Variants in FOXN3 observed in about 807,000 individuals in gnomAD.
The protein encoded by FOXN3 is forkhead box N3, also known as forkhead box protein N3.
In FOXN3, 7 loss-of-function variants were observed where a neutral mutation model predicts 38.4. The observed-to-expected ratio is 0.18, with a 90% CI of 0.10 to 0.34. The LOEUF (loss-of-function observed/expected upper bound fraction) is 0.34. Among genes scored for constraint, FOXN3 ranks in the 10% least tolerant of loss-of-function variants. The pLI, the probability that FOXN3 is intolerant of heterozygous loss-of-function variation, is 1.00. For missense variants in FOXN3, 456 were observed against 613.4 expected (o/e 0.74, Z 2.71); for synonymous variants, 230 against 242.2 (o/e 0.95, Z 0.47).
intron 2 of FOXN3, among the ~76,000 whole-genome samples, chr14:89,378,209 T>C (rs1890538800): frequency 6.6e-6 from 1 of 152,208 alleles, no homozygotes; most frequent in Non-Finnish European, 1.5e-5. Context: ...ATATTATCCA[T>C]TCATTGATAC....
intron 1 of FOXN3, among the ~76,000 whole-genome samples, chr14:89,549,640 T>C (rs1894961420): frequency 6.6e-6 from 1 of 152,152 alleles, no homozygotes; most frequent in Non-Finnish European, 1.5e-5. Context: ...TTGAATCCAA[T>C]TTATTATTGG....
At chr14:89,195,317 C>G (rs768686080) in intron 4 of FOXN3, among the ~76,000 whole-genome samples, 5 of 152,228 alleles carry the variant, frequency 3.3e-5, no homozygotes, top group Non-Finnish European at 5.9e-5. Context: ...TACTCCCACT[C>G]TCTACCTTAG....
At chr14:89,428,579 C>T (rs1347694539) in intron 1 of FOXN3, among the ~76,000 whole-genome samples, 1 of 152,258 alleles carries the variant, frequency 6.6e-6, no homozygotes, top group Non-Finnish European at 1.5e-5. Flanking sequence ...AACCAGGCGT[C>T]CTTTTTAAGT....
intron 1 of FOXN3, among the ~76,000 whole-genome samples, chr14:89,541,635 C>A (rs1894792476): frequency 6.6e-6 from 1 of 152,166 alleles, no homozygotes; most frequent in African/African-American, 2.4e-5. Flanking sequence ...TATGGAATAG[C>A]CATTCTTTTA....
intron 2 of FOXN3, among the ~76,000 whole-genome samples, chr14:89,367,644 G>A (rs1162984586): frequency 6.6e-6 from 1 of 152,100 alleles, no homozygotes; most frequent in East Asian, 1.9e-4. Flanking sequence ...GGACGCAGGG[G>A]ATAAATTCAC....
chr14:89,449,843 C>T (rs1892579534), intron 1 of FOXN3, among the ~76,000 whole-genome samples: 1 of 152,132 alleles, frequency 6.6e-6, no homozygotes, highest in African/African-American at 2.4e-5. Flanking sequence ...AGGGGGAGCT[C>T]ATGGGGAGAG....
At chr14:89,442,187 A>C (rs1892401491) in intron 1 of FOXN3, among the ~76,000 whole-genome samples, 1 of 151,942 alleles carries the variant, frequency 6.6e-6, no homozygotes, top group Non-Finnish European at 1.5e-5. Context: ...CAGCCTCCCA[A>C]AGTGCTGGGA....
At chr14:89,267,009 A>G (rs1468875331) in intron 4 of FOXN3, among the ~76,000 whole-genome samples, 1 of 152,194 alleles carries the variant, frequency 6.6e-6, no homozygotes, top group Non-Finnish European at 1.5e-5. Flanking sequence ...GCAAAGGGGA[A>G]AAGTGATGAA....
intron 4 of FOXN3, among the ~76,000 whole-genome samples, chr14:89,211,891 C>G (rs1884103530): frequency 6.6e-6 from 1 of 152,194 alleles, no homozygotes; most frequent in South Asian, 2.1e-4. Context: ...GAATCCCTAA[C>G]CTCCAATTTG....
At chr14:89,461,229 C>A (rs140504381) in intron 1 of FOXN3, among the ~76,000 whole-genome samples, 1 of 151,484 alleles carries the variant, frequency 6.6e-6, no homozygotes, top group East Asian at 1.9e-4. Flanking sequence ...CCTAGCTACT[C>A]GGGAGGCTGA....
Position 89,179,948 on chromosome 14 carries a change from C to A in FOXN3, c.851+753G>T, listed in dbSNP as rs535622243. Among the ~76,000 whole-genome samples, 9 of 152,352 alleles carry A rather than the reference C, an allele frequency of 5.9e-5. No individual in the cohort carries two copies. The South Asian group carries it at 1.9e-3, about 32-fold the overall frequency. Reference sequence around the variant, plus strand: ...TATCAGGGTGATGCAGGGGCAGTCACAGAAGGTGCTTCTGCAGACAGCTAG... The same window carrying A: ...TATCAGGGTGATGCAGGGGCAGTCAAAGAAGGTGCTTCTGCAGACAGCTAG... On this transcript the variant is annotated intron_variant, in intron 5 of 5. Transcript: ENST00000557258.
chr14:89,174,609 C>G (rs1887472603), intron 5 of FOXN3, among the ~76,000 whole-genome samples: 1 of 152,192 alleles, frequency 6.6e-6, no homozygotes, highest in Non-Finnish European at 1.5e-5. Context: ...CTTTCAAAGG[C>G]ATTAACGAAC....
chr14:89,344,909 G>T (rs1382403081), intron 3 of FOXN3, among the ~76,000 whole-genome samples: 1 of 152,300 alleles, frequency 6.6e-6, no homozygotes, highest in Middle Eastern at 3.4e-3. Context: ...GCAACATAAA[G>T]ATTAGAACAG....
At chr14:89,576,892 T>TCCATCC (rs2139903734) in intron 1 of FOXN3, 1 of 152,324 alleles carries the variant, frequency 6.6e-6, no homozygotes, top group African/African-American at 2.4e-5. Flanking sequence ...AGTGGCTGCC[T>TCCATCC]CCATCCGTAT....
intron 3 of FOXN3, among the ~76,000 whole-genome samples, chr14:89,283,887 G>A (rs561573070): frequency 6.6e-5 from 10 of 152,292 alleles, no homozygotes; most frequent in African/African-American, 2.4e-4. Flanking sequence ...TTTTGACAGA[G>A]TCTCGCTCTG....
In FOXN3 at chr14:89,218,331, C is replaced by A. The variant is rs760610028; in HGVS notation, c.746-37525G>T. 1.2e-4 allele frequency among the ~76,000 whole-genome samples: 18 copies of A among 152,322 alleles called. No individual in the cohort carries two copies. In the South Asian group the frequency reaches 2.1e-3, roughly 18 times the overall value. ...TTTTTAATTAATCACAAGATTAATA[C>A]AAGACTACAACTGCTTATTTTAAAA... On this transcript the variant is annotated intron_variant, in intron 4 of 5. Transcript: ENST00000557258.
chr14:89,327,196 G>A (rs2139981396), intron 3 of FOXN3, among the ~76,000 whole-genome samples: 1 of 152,164 alleles, frequency 6.6e-6, no homozygotes. Flanking sequence ...CCTTAGAAAA[G>A]GTGAGATTTA....
intron 2 of FOXN3, chr14:89,399,913 T>C (rs1419061131): frequency 6.6e-6 from 1 of 152,232 alleles, no homozygotes; most frequent in Non-Finnish European, 1.5e-5. Context: ...CTCGTTGCTA[T>C]GGAGACACAT....
chr14:89,345,153 A>G (rs1888726139), intron 3 of FOXN3, among the ~76,000 whole-genome samples: 1 of 152,200 alleles, frequency 6.6e-6, no homozygotes, highest in South Asian at 2.1e-4. Flanking sequence ...CAAGAACTGT[A>G]GTATCCAAAC....
Sources: gnomAD v4.1 joint callset for allele counts (sites outside exome capture counted in the v4.1 genomes callset) on GRCh38, gnomAD v4.1.1 for gene constraint, MANE v1.5 for transcripts, NCBI Gene and HGNC (gene_info 2026-07-23, HGNC 2026-07-21) for gene names.